SEMA3D: variants seen among roughly 807,000 people sequenced by gnomAD.
SEMA3D encodes the protein semaphorin-3D.
A neutral mutation model predicts 100.1 loss-of-function variants in SEMA3D; 84 were observed. The observed-to-expected ratio is 0.84, with a 90% CI of 0.70 to 1.01. The LOEUF is 1.01. Among genes scored for constraint, SEMA3D ranks in the 50% least tolerant of loss-of-function variants. The pLI is 0.00. For synonymous variants in SEMA3D, 312 were observed against 320.7 expected, an observed-to-expected ratio of 0.97 and a Z score of 0.29; for missense variants, 875 against 934.1, an observed-to-expected ratio of 0.94 and a Z score of 0.82.
the SEMA3D span, among the ~76,000 whole-genome samples, chr7:85,225,380 G>C: frequency 1.3e-5 from 2 of 150,754 alleles, no homozygotes; most frequent in East Asian, 3.9e-4. Context: ...TAGGTGATAT[G>C]GGGCACAGTA....
the SEMA3D span, among the ~76,000 whole-genome samples, chr7:85,229,261 A>G: frequency 6.6e-6 from 1 of 152,056 alleles, no homozygotes; most frequent in South Asian, 2.1e-4. Context: ...TTTTTGTCTT[A>G]GATTCTGATA....
chr7:85,159,279 G>A (rs989201901), intron 1 of SEMA3D, among the ~76,000 whole-genome samples: 3 of 152,052 alleles, frequency 2.0e-5, no homozygotes, highest in Admixed American at 6.6e-5. Flanking sequence ...AGTCAAAGAG[G>A]GGTGATAAGG....
At chr7:85,070,127 A>T (rs1319976938) in intron 6 of SEMA3D, among the ~76,000 whole-genome samples, 1 of 152,230 alleles carries the variant, frequency 6.6e-6, no homozygotes, top group Non-Finnish European at 1.5e-5. Flanking sequence ...TGGAGTTAGT[A>T]AATGACTGGA....
chr7:85,133,183 T>C (rs1214431503), intron 2 of SEMA3D, among the ~76,000 whole-genome samples: 1 of 152,008 alleles, frequency 6.6e-6, no homozygotes, highest in Non-Finnish European at 1.5e-5. Context: ...ATATTTGTGC[T>C]ATCTAATTTC....
At chr7:85,056,824 T>C (rs980792022) in intron 8 of SEMA3D, among the ~76,000 whole-genome samples, 1 of 149,266 alleles carries the variant, frequency 6.7e-6, no homozygotes, top group East Asian at 2.0e-4. Flanking sequence ...TGGAAAAATA[T>C]CCATGCTTTT....
At position 84,999,654 on chromosome 7, in the gene SEMA3D, G is replaced by T; in HGVS notation, c.2120C>A (p.Ala707Asp). ...HEEGKVKDLL[A>D]ESRLRYKDYI... ...GTCTTTGTATCTCAACCGTGACTCAGCCAATAGATCCTTGACCTTCCCCTC... is the reference window on the plus strand; with the variant it reads ...GTCTTTGTATCTCAACCGTGACTCATCCAATAGATCCTTGACCTTCCCCTC... The change falls in exon 19 of 19, where the codon GCT becomes GAT. Residue 707 changes from alanine to aspartate, a missense_variant. Ala to Asp is a moderately radical substitution (Grantham distance 126). Transcript: ENST00000284136. 1 of 1,614,018 alleles carries T rather than the reference G, an allele frequency of 6.2e-7. No homozygotes were observed. The highest frequency in any genetic ancestry group is 8.5e-7 in the Non-Finnish European group (1 of 1,179,968).
chr7:85,002,912 T>A (rs949607546), intron 18 of SEMA3D, among the ~76,000 whole-genome samples: 4 of 152,140 alleles, frequency 2.6e-5, no homozygotes, highest in African/African-American at 9.7e-5. Context: ...CTAATAGTAG[T>A]TCTTTTACAG....
intron 16 of SEMA3D, 130 bp downstream of exon 16, chr7:85,014,929 T>G: frequency 1.7e-6 from 1 of 594,752 alleles, no homozygotes; most frequent in Non-Finnish European, 2.7e-6. Flanking sequence ...CATTTTGATT[T>G]TAATATTCCT....
intron 15 of SEMA3D, 86 bp downstream of exon 15, chr7:85,018,166 T>C: frequency 2.4e-6 from 2 of 846,016 alleles, no homozygotes; most frequent in Non-Finnish European, 4.0e-6. Context: ...TAACTCCCAA[T>C]TTCAATGGAT....
intron 3 of SEMA3D, among the ~76,000 whole-genome samples, chr7:85,104,389 C>G (rs890131975): frequency 5.3e-5 from 8 of 151,996 alleles, no homozygotes; most frequent in Non-Finnish European, 8.8e-5. Context: ...CTTTAGCAAG[C>G]CTAATAAAAT....
intron 4 of SEMA3D, among the ~76,000 whole-genome samples, chr7:85,087,432 G>A (rs947281412): frequency 1.3e-5 from 2 of 152,272 alleles, no homozygotes; most frequent in Admixed American, 6.5e-5. Flanking sequence ...GTCTACCCAC[G>A]TGCAGGAGAC....
At chr7:85,069,096 A>T (rs1791703795) in intron 6 of SEMA3D, among the ~76,000 whole-genome samples, 1 of 152,122 alleles carries the variant, frequency 6.6e-6, no homozygotes, top group Non-Finnish European at 1.5e-5. Flanking sequence ...ATGATGACTC[A>T]CTCTGTGTAT....
chr7:85,105,472 G>A (rs547970868), intron 3 of SEMA3D, among the ~76,000 whole-genome samples: 1 of 152,066 alleles, frequency 6.6e-6, no homozygotes, highest in Admixed American at 6.6e-5. Flanking sequence ...TTCCCCTTTA[G>A]CAACACAAAA....
chr7:85,180,848 C>T (rs952311139), intron 1 of SEMA3D, among the ~76,000 whole-genome samples: 1 of 152,110 alleles, frequency 6.6e-6, no homozygotes, highest in African/African-American at 2.4e-5. Context: ...CTCAGACTTT[C>T]CTTGCTTATT....
chr7:85,246,128 T>C, the SEMA3D span, among the ~76,000 whole-genome samples: 1 of 152,256 alleles, frequency 6.6e-6, no homozygotes, highest in African/African-American at 2.4e-5. Flanking sequence ...AATATATTCA[T>C]TTAGGCTATG....
rs766994603 is a variant in SEMA3D at position 85,165,686 on chromosome 7, C to T, written c.-172-11947G>A. 3.9e-4 allele frequency among the ~76,000 whole-genome samples: 59 copies of T among 152,174 alleles called. 2 individuals are homozygous for T. The highest frequency in any genetic ancestry group is 5.9e-5 in the Non-Finnish European group (4 of 67,990). On this transcript the variant is annotated intron_variant, in intron 1 of 18. Coordinates refer to ENST00000284136, the MANE Select transcript of SEMA3D (RefSeq NM_001384900.1). ...TATGCATACCATCTTTTAAAAAGTT[C>T]ACAATATATTTCTTTAAAACCAATT...
At chr7:85,127,337 T>C (rs2116421813) in intron 2 of SEMA3D, among the ~76,000 whole-genome samples, 1 of 152,274 alleles carries the variant, frequency 6.6e-6, no homozygotes, top group Non-Finnish European at 1.5e-5. Flanking sequence ...AGTATATAGT[T>C]TATAATCCCT....
intron 1 of SEMA3D, among the ~76,000 whole-genome samples, chr7:85,155,334 G>T (rs1241620399): frequency 6.6e-6 from 1 of 152,068 alleles, no homozygotes; most frequent in Non-Finnish European, 1.5e-5. Flanking sequence ...TAACTAAATA[G>T]ATGTCTTACT....
intron 2 of SEMA3D, among the ~76,000 whole-genome samples, chr7:85,149,960 G>A (rs965266108): frequency 1.3e-5 from 2 of 151,930 alleles, no homozygotes; most frequent in African/African-American, 4.8e-5. Context: ...ACATTCAAGG[G>A]GTCATAGCCA....
Sources: gnomAD v4.1 joint callset for allele counts (sites outside exome capture counted in the v4.1 genomes callset) on GRCh38, gnomAD v4.1.1 for gene constraint, MANE v1.5 for transcripts, NCBI Gene and HGNC (gene_info 2026-07-23, HGNC 2026-07-21) for gene names.